The following ALK variants were observed in gnomAD, a reference collection of about 807,000 sequenced individuals.
The protein encoded by ALK is ALK tyrosine kinase receptor.
Under a neutral mutation model 163.1 loss-of-function variants are expected in ALK, and 74 were observed. The observed-to-expected ratio is 0.45, with a 90% CI of 0.38 to 0.55. The LOEUF (loss-of-function observed/expected upper bound fraction) is 0.55. Among genes scored for constraint, ALK ranks in the 20% least tolerant of loss-of-function variants. The pLI, the probability that ALK is intolerant of heterozygous loss-of-function variation, is 0.00. For synonymous variants in ALK, 960 were observed against 843.2 expected (o/e 1.14, Z -2.40); for missense variants, 2,063 against 2,105.3 (o/e 0.98, Z 0.39).
chr2:29,763,110 A>G (rs1428949271), intron 1 of ALK, among the ~76,000 whole-genome samples: 1 of 149,756 alleles, frequency 6.7e-6, no homozygotes, highest in African/African-American at 2.5e-5. Context: ...AAAAAAAAAT[A>G]GGACTCTGAA....
At chr2:29,640,887 C>A (rs1025571566) in intron 3 of ALK, among the ~76,000 whole-genome samples, 6 of 152,078 alleles carry the variant, frequency 3.9e-5, no homozygotes, top group African/African-American at 1.2e-4. Context: ...AAGCTGAAAT[C>A]TTAAGGATAA....
At chr2:29,360,668 C>T (rs1278870677) in intron 5 of ALK, among the ~76,000 whole-genome samples, 3 of 152,092 alleles carry the variant, frequency 2.0e-5, no homozygotes, top group Admixed American at 6.5e-5. Flanking sequence ...GCAGATATGA[C>T]AGGAGCACAA....
At chr2:29,275,952 G>T (rs543339261) in intron 9 of ALK, among the ~76,000 whole-genome samples, 55 of 152,262 alleles carry the variant, frequency 3.6e-4, no homozygotes, top group Non-Finnish European at 6.6e-4. Context: ...AAATGGGTAG[G>T]TCTGACATTC....
At chr2:29,742,208 G>T (rs528128664) in intron 1 of ALK, among the ~76,000 whole-genome samples, 4 of 152,364 alleles carry the variant, frequency 2.6e-5, no homozygotes, top group East Asian at 1.9e-4. Flanking sequence ...GCAGGGACAG[G>T]TCCATTAGGT....
Position 29,243,909 on chromosome 2 carries a change from T to C in ALK, c.2205-4079A>G, listed in dbSNP as rs72852052. On this transcript the variant is annotated intron_variant, in intron 12 of 28. Coordinates refer to ENST00000389048, the MANE Select transcript of ALK (RefSeq NM_004304.5). ...TGAGCTGATGCTGTAATTTTTTGTT[T>C]TTTCCTCATCTAAATCCATGTCCCC... Among the ~76,000 whole-genome samples the C allele has an allele frequency of 3.1e-3, 479 of 152,358 alleles. 2 individuals are homozygous for C. The highest frequency in any genetic ancestry group is 0.01 in the African/African-American group (422 of 41,588).
rs143862874 is a variant in ALK at position 29,419,211 on chromosome 2, T to C, written c.1155-35352A>G. Reference sequence around the variant, plus strand: ...CTGGGATTACAGGTACATGCCACCATGCCCGGCTAATTTTTGTATTTTTAG... The same window carrying C: ...CTGGGATTACAGGTACATGCCACCACGCCCGGCTAATTTTTGTATTTTTAG... On this transcript the variant is annotated intron_variant, in intron 4 of 28. Transcript: ENST00000389048. Among the ~76,000 whole-genome samples the C allele has an allele frequency of 5.9e-4, 89 of 151,324 alleles. 4 individuals are homozygous for C. The highest frequency in any genetic ancestry group is 2.1e-3 in the African/African-American group (87 of 40,712).
intron 3 of ALK, among the ~76,000 whole-genome samples, chr2:29,552,754 T>A (rs1285253412): frequency 6.6e-6 from 1 of 152,238 alleles, no homozygotes; most frequent in Admixed American, 6.5e-5. Context: ...CAGTGACTTT[T>A]GTGCAGAATT....
chr2:29,450,117 G>A (rs1448132525), intron 4 of ALK, among the ~76,000 whole-genome samples: 2 of 152,148 alleles, frequency 1.3e-5, no homozygotes, highest in African/African-American at 2.4e-5. Context: ...TGACCGCAGG[G>A]AAAGAACATC....
chr2:29,561,309 C>T (rs1168319679), intron 3 of ALK, among the ~76,000 whole-genome samples: 1 of 152,118 alleles, frequency 6.6e-6, no homozygotes, highest in African/African-American at 2.4e-5. Context: ...TCACAACCAG[C>T]CCCATATGGA....
chr2:29,913,168 G>C (rs1014623511), intron 1 of ALK, among the ~76,000 whole-genome samples: 6 of 152,078 alleles, frequency 3.9e-5, no homozygotes, highest in African/African-American at 1.2e-4. Context: ...CCAAGGGATT[G>C]GGTGTATCTT....
chr2:29,315,806 C>T (rs531480442), intron 8 of ALK, among the ~76,000 whole-genome samples: 70 of 152,290 alleles, frequency 4.6e-4, no homozygotes, highest in African/African-American at 6.3e-4. Flanking sequence ...AGATAGTGTA[C>T]GATGACTTTA....
intron 4 of ALK, among the ~76,000 whole-genome samples, chr2:29,488,964 G>A (rs1671840276): frequency 6.6e-6 from 1 of 152,110 alleles, no homozygotes; most frequent in Non-Finnish European, 1.5e-5. Context: ...TGAAAAGAAA[G>A]CAAAAGAACT....
chr2:29,590,411 C>G (rs894079611), intron 3 of ALK, among the ~76,000 whole-genome samples: 1 of 152,132 alleles, frequency 6.6e-6, no homozygotes, highest in Non-Finnish European at 1.5e-5. Flanking sequence ...GTTCAGTTGA[C>G]AAAGATTTTT....
chr2:29,690,250 A>C lies in ALK; in HGVS notation c.952+4600T>G, dbSNP rs559252496. ...ATGAAGCCATCTTGATGAACAGAAG[A>C]ACCTCAGTAGCAGTGCTGCATCCAG... On this transcript the variant is annotated intron_variant, in intron 3 of 28. Coordinates refer to ENST00000389048, the MANE Select transcript of ALK (RefSeq NM_004304.5). Among the ~76,000 whole-genome samples, 3 of 152,316 alleles carry C rather than the reference A, an allele frequency of 2.0e-5. No individual in the cohort carries two copies. The South Asian group carries it at 6.2e-4, about 32-fold the overall frequency.
At chr2:29,806,075 T>C (rs1179302687) in intron 1 of ALK, among the ~76,000 whole-genome samples, 1 of 152,240 alleles carries the variant, frequency 6.6e-6, no homozygotes, top group Non-Finnish European at 1.5e-5. Context: ...TCCAGAAGCC[T>C]TCAAATATCC....
chr2:29,275,217 C>T lies in ALK; in HGVS notation c.1923G>A (p.Glu641=). The change falls in exon 11 of 29, where the codon GAG becomes GAA. Residue 641 remains glutamate (E), a synonymous_variant. Coordinates refer to ENST00000389048, the MANE Select transcript of ALK (RefSeq NM_004304.5). The part of the protein sequence containing the change: ...SLDCYLTISG[E]DKILQNTAPK... The stretch of plus-strand genomic sequence containing the variant: ...GTGCTGTATTCTGCAGGATCTTGTC[C>T]TCTCCGCTAACTGCAATAGAGAAGA... 1 of 1,614,134 alleles carries T rather than the reference C, an allele frequency of 6.2e-7. No homozygotes were observed.
chr2:29,893,028 C>T (rs540490388), intron 1 of ALK, among the ~76,000 whole-genome samples: 44 of 152,276 alleles, frequency 2.9e-4, no homozygotes, highest in Non-Finnish European at 5.4e-4. Context: ...TACTGCCTTG[C>T]GCTGGCCATA....
At chr2:29,216,650 T>C (rs932634866) in intron 23 of ALK, among the ~76,000 whole-genome samples, 5 of 146,000 alleles carry the variant, frequency 3.4e-5, no homozygotes, top group Admixed American at 7.1e-5. Context: ...TATATGTGCG[T>C]ATGGTGTGTG....
At chr2:29,750,260 C>T (rs1680319597) in intron 1 of ALK, among the ~76,000 whole-genome samples, 1 of 152,160 alleles carries the variant, frequency 6.6e-6, no homozygotes, top group African/African-American at 2.4e-5. Context: ...ATGGTATAGC[C>T]TATCGATCCC....
Sources: gnomAD v4.1 joint callset for allele counts (sites outside exome capture counted in the v4.1 genomes callset) on GRCh38, gnomAD v4.1.1 for gene constraint, MANE v1.5 for transcripts, NCBI Gene and HGNC (gene_info 2026-07-23, HGNC 2026-07-21) for gene names.